PRKG1: variants seen among roughly 807,000 people sequenced by gnomAD.
The protein encoded by PRKG1 is protein kinase cGMP-dependent 1, also known as cGMP-dependent protein kinase 1.
Under a neutral mutation model 88.1 loss-of-function variants are expected in PRKG1, and 35 were observed. The ratio of observed to expected loss-of-function variants is 0.40; its 90% CI spans 0.30 to 0.53. PRKG1 has a LOEUF of 0.53. Among genes scored for constraint, PRKG1 ranks in the 20% least tolerant of loss-of-function variants. PRKG1 has a pLI of 0.59. For missense variants in PRKG1, 540 were observed against 839.8 expected, an observed-to-expected ratio of 0.64 and a Z score of 4.41; for synonymous variants, 303 against 292.5, an observed-to-expected ratio of 1.04 and a Z score of -0.37.
chr10:52,051,025 G>A (rs1310865672), intron 5 of PRKG1, among the ~76,000 whole-genome samples: 5 of 152,104 alleles, frequency 3.3e-5, no homozygotes, highest in African/African-American at 1.2e-4. Context: ...TAAACATCCT[G>A]CAGCAAAACT....
At chr10:51,433,793 A>T (rs890907344) in intron 2 of PRKG1, among the ~76,000 whole-genome samples, 2 of 152,164 alleles carry the variant, frequency 1.3e-5, no homozygotes, top group Non-Finnish European at 2.9e-5. Context: ...TTGGAACAGA[A>T]TATGCAGACA....
intron 9 of PRKG1, among the ~76,000 whole-genome samples, chr10:52,245,901 C>T (rs1841011499): frequency 1.3e-5 from 2 of 151,888 alleles, no homozygotes; most frequent in South Asian, 2.1e-4. Context: ...GTTCTGTTGG[C>T]TCTGAATTAC....
At chr10:52,126,122 G>C (rs968081019) in intron 7 of PRKG1, 3 of 152,116 alleles carry the variant, frequency 2.0e-5, no homozygotes, top group Non-Finnish European at 4.4e-5. Flanking sequence ...GTTGACTGCA[G>C]GTACCTGAAG....
intron 5 of PRKG1, among the ~76,000 whole-genome samples, chr10:51,917,302 G>C (rs1175724321): frequency 7.1e-6 from 1 of 140,902 alleles, no homozygotes; most frequent in Non-Finnish European, 1.5e-5. Flanking sequence ...CTGAGCAACA[G>C]AGCAAGACTC....
chr10:52,291,305 G>A (rs1229770829), intron 17 of PRKG1, among the ~76,000 whole-genome samples: 1 of 150,824 alleles, frequency 6.6e-6, no homozygotes, highest in Admixed American at 6.6e-5. Flanking sequence ...TGCACAATGT[G>A]CAGGTTAGTT....
intron 2 of PRKG1, among the ~76,000 whole-genome samples, chr10:51,454,459 G>C (rs2132780272): frequency 1.3e-5 from 2 of 150,334 alleles, no homozygotes; most frequent in South Asian, 4.2e-4. Context: ...ACAGCCAACT[G>C]ATCTTTGACA....
At chr10:51,108,079 T>C (rs1333710794) in intron 1 of PRKG1, among the ~76,000 whole-genome samples, 1 of 152,102 alleles carries the variant, frequency 6.6e-6, no homozygotes, top group Non-Finnish European at 1.5e-5. Context: ...TGAACAGCAG[T>C]GTATCTATCA....
At chr10:51,064,366 G>A (rs76482746) in intron 1 of PRKG1, among the ~76,000 whole-genome samples, 3,114 of 152,148 alleles carry the variant, frequency 0.02, 39 homozygotes, top group Non-Finnish European at 0.031. Context: ...CTAAGGTTTT[G>A]TTGAAGATCT....
At chr10:51,445,863 A>G (rs1294486517) in intron 2 of PRKG1, among the ~76,000 whole-genome samples, 2 of 150,164 alleles carry the variant, frequency 1.3e-5, no homozygotes, top group Non-Finnish European at 1.5e-5. Context: ...CACTCACTTA[A>G]AAAAAAAAAC....
chr10:51,746,087 T>C (rs1478380660), intron 3 of PRKG1, among the ~76,000 whole-genome samples: 3 of 152,072 alleles, frequency 2.0e-5, no homozygotes, highest in African/African-American at 7.2e-5. Context: ...TGGCTTTAGG[T>C]GATCTCCCGC....
At chr10:51,410,037 G>A (rs1030013513) in intron 2 of PRKG1, among the ~76,000 whole-genome samples, 1 of 151,868 alleles carries the variant, frequency 6.6e-6, no homozygotes, top group East Asian at 1.9e-4. Flanking sequence ...CCAAGTGGCA[G>A]AGCAGCTTGA....
intron 5 of PRKG1, among the ~76,000 whole-genome samples, chr10:51,971,042 C>G (rs1159528781): frequency 6.6e-6 from 1 of 151,454 alleles, no homozygotes; most frequent in East Asian, 1.9e-4. Context: ...ATGCTACATG[C>G]AAAACATTGA....
At chr10:51,971,210 G>T (rs137952451) in intron 5 of PRKG1, among the ~76,000 whole-genome samples, 1 of 151,834 alleles carries the variant, frequency 6.6e-6, no homozygotes, top group South Asian at 2.1e-4. Context: ...TCCAGGATTT[G>T]GCAATACTCT....
intron 1 of PRKG1, among the ~76,000 whole-genome samples, chr10:50,998,119 T>C (rs1489000943): frequency 1.3e-5 from 2 of 152,216 alleles, no homozygotes; most frequent in Non-Finnish European, 2.9e-5. Context: ...CGGAAAAAGG[T>C]ACTGGATTCA....
chr10:51,307,742 T>C (rs962342259), intron 2 of PRKG1, among the ~76,000 whole-genome samples: 1 of 152,194 alleles, frequency 6.6e-6, no homozygotes, highest in African/African-American at 2.4e-5. Context: ...AAATATATTC[T>C]ATATTATTTA....
At chr10:52,126,633 G>A (rs141092697) in intron 7 of PRKG1, among the ~76,000 whole-genome samples, 5 of 152,122 alleles carry the variant, frequency 3.3e-5, no homozygotes, top group South Asian at 2.1e-4. Context: ...AGTGTGTGCC[G>A]CCAAACACAG....
At chr10:51,846,941 G>A (rs1425848298) in intron 4 of PRKG1, among the ~76,000 whole-genome samples, 1 of 152,102 alleles carries the variant, frequency 6.6e-6, no homozygotes, top group Non-Finnish European at 1.5e-5. Context: ...ATCAAGTGCT[G>A]CTAAAATCAG....
chr10:52,100,313 A>G (rs143442143), intron 7 of PRKG1, among the ~76,000 whole-genome samples: 85 of 152,356 alleles, frequency 5.6e-4, no homozygotes, highest in African/African-American at 2.0e-3. Flanking sequence ...AATCAGCAGC[A>G]GTGTTTGACT....
chr10:51,373,258 T>G (rs1842740358), intron 2 of PRKG1, among the ~76,000 whole-genome samples: 1 of 152,206 alleles, frequency 6.6e-6, no homozygotes, highest in Non-Finnish European at 1.5e-5. Flanking sequence ...AACACAAAGT[T>G]ATTATTTCAC....
Sources: gnomAD v4.1 joint callset for allele counts (sites outside exome capture counted in the v4.1 genomes callset) on GRCh38, gnomAD v4.1.1 for gene constraint, MANE v1.5 for transcripts, NCBI Gene and HGNC (gene_info 2026-07-23, HGNC 2026-07-21) for gene names.